Variants in SH3KBP1 observed in about 807,000 individuals in gnomAD.
The protein encoded by SH3KBP1 is SH3 domain-containing kinase-binding protein 1.
Under a neutral mutation model 50.1 loss-of-function variants are expected in SH3KBP1, and 8 were observed. The ratio of observed to expected loss-of-function variants is 0.16; its 90% CI spans 0.09 to 0.29. SH3KBP1 has a LOEUF of 0.29. SH3KBP1 is among the 10% of genes least tolerant of loss of function. SH3KBP1 has a pLI of 1.00. For synonymous variants in SH3KBP1, 227 were observed against 218.6 expected (o/e 1.04, Z -0.34); for missense variants, 377 against 535.2 (o/e 0.70, Z 2.92).
intron 8 of SH3KBP1, among the ~76,000 whole-genome samples, chrX:19,611,996 GAA>G (rs2067441787): frequency 1.1e-5 from 1 of 92,397 alleles, no homozygotes; most frequent in Admixed American, 1.2e-4. Context: ...AATAGCCAAA[GAA>G]AAGAGTCTGC....
chrX:19,842,349 A>T (rs1285021337), intron 1 of SH3KBP1, among the ~76,000 whole-genome samples: 1 of 111,040 alleles, frequency 9.0e-6, no homozygotes. Context: ...AACATGGTGA[A>T]ACCCTGTCTC....
At chrX:19,811,441 T>C (rs770348390) in intron 2 of SH3KBP1, among the ~76,000 whole-genome samples, 5 of 111,880 alleles carry the variant, frequency 4.5e-5, no homozygotes, top group East Asian at 2.8e-4. Flanking sequence ...TAAAATCTTA[T>C]CTGGTCAGAA....
intron 1 of SH3KBP1, among the ~76,000 whole-genome samples, chrX:19,869,549 T>C (rs1391196868): frequency 2.7e-5 from 3 of 112,251 alleles, no homozygotes; most frequent in Non-Finnish European, 5.6e-5. Flanking sequence ...GCAAAGCAAT[T>C]CACTCACCCT....
chrX:19,710,382 T>C (rs147751077), intron 3 of SH3KBP1, among the ~76,000 whole-genome samples: 2,125 of 111,588 alleles, frequency 0.019, 21 homozygotes, highest in Non-Finnish European at 0.028. Context: ...CAGATGATCC[T>C]CATTCTCATA....
intron 2 of SH3KBP1, among the ~76,000 whole-genome samples, chrX:19,771,881 A>AC (rs1330582445): frequency 3.7e-5 from 4 of 109,373 alleles, no homozygotes; most frequent in Non-Finnish European, 7.6e-5. Flanking sequence ...AAAAAAAAAA[A>AC]ATTGGTTACA....
chrX:19,686,175 G>A (rs2063159338), intron 5 of SH3KBP1, among the ~76,000 whole-genome samples: 1 of 112,053 alleles, frequency 8.9e-6, no homozygotes, highest in Non-Finnish European at 1.9e-5. Context: ...AGAACTTCTG[G>A]CAGGCTGGTT....
chrX:19,654,039 A>T (rs759316725), intron 6 of SH3KBP1, among the ~76,000 whole-genome samples: 1 of 111,463 alleles, frequency 9.0e-6, no homozygotes, highest in East Asian at 2.8e-4. Context: ...TCCAATAAAA[A>T]CTTTAGTATC....
rs372282101 is a variant in SH3KBP1 at position 19,707,118 on chromosome X, C to T, written c.287-134G>A. 255 of 581,222 alleles carry T rather than the reference C, an allele frequency of 4.4e-4. 3 individuals carry two copies. The African/African-American group carries it at 5.1e-3, about 12-fold the overall frequency. The allele number at this position is 581,222 out of a possible 1,213,427, so 47.9% of individuals were successfully genotyped here. ...GCTCTCTGGGACATGGCTTGAGGCA[C>T]GGCAGCCCTGGTCTCTTAGAGAGAG... On this transcript the variant is annotated intron_variant, in intron 3 of 17. Transcript: ENST00000397821.
intron 6 of SH3KBP1, among the ~76,000 whole-genome samples, chrX:19,654,895 A>T (rs1394849131): frequency 1.8e-5 from 2 of 112,236 alleles, no homozygotes; most frequent in African/African-American, 3.2e-5. Context: ...TAATTTTCCC[A>T]TGAAGTAGCT....
chrX:19,655,801 T>A lies in SH3KBP1; in HGVS notation c.727-10326A>T, dbSNP rs1413338010. ...TACCCATGTAACAAACCTGCACATG[T>A]ACCCCCGACCCTAAAATTAAAAAGA... On this transcript the variant is annotated intron_variant, in intron 6 of 17. Transcript: ENST00000397821. Among the ~76,000 whole-genome samples, 3 of 111,289 alleles carry A rather than the reference T, an allele frequency of 2.7e-5. No homozygotes were observed. The East Asian group carries it at 8.4e-4, about 31-fold the overall frequency.
At chrX:19,863,073 C>T (rs2068816916) in intron 1 of SH3KBP1, among the ~76,000 whole-genome samples, 1 of 112,521 alleles carries the variant, frequency 8.9e-6, no homozygotes, top group Admixed American at 9.4e-5. Context: ...CCTGTCCCCT[C>T]CCTGGGGGTT....
chrX:19,592,125 T>C lies in SH3KBP1; in HGVS notation c.1080A>G (p.Glu360=). The C allele has an allele frequency of 8.3e-7, 1 of 1,203,812 alleles. No homozygotes were observed. Among genetic ancestry groups the C allele is most frequent in the Non-Finnish European group, 1.1e-6 (1 of 890,024 alleles). ...QGAGTTERKH[E]IKKIPPERPE... ...GTCTTTCAGGAGGTATCTTTTTAAT[T>C]TCATGTTTTCTCTCAGTGGTGCCTA... is the stretch of plus-strand genomic sequence containing the variant. Residue 360 remains glutamate, a synonymous_variant, in exon 11 of 18, where the codon GAA becomes GAG. Coordinates refer to ENST00000397821, the MANE Select transcript of SH3KBP1 (RefSeq NM_031892.3).
At chrX:19,639,968 C>T (rs1439828354) in intron 7 of SH3KBP1, among the ~76,000 whole-genome samples, 3 of 100,517 alleles carry the variant, frequency 3.0e-5, no homozygotes, top group African/African-American at 1.1e-4. Context: ...ATGAGCTGCA[C>T]TGAGTAAGTA....
chrX:19,677,261 T>G (rs1007676382), intron 6 of SH3KBP1, among the ~76,000 whole-genome samples: 2 of 111,286 alleles, frequency 1.8e-5, no homozygotes, highest in African/African-American at 6.5e-5. Context: ...TCAGAAGTGA[T>G]CATCTAAGTG....
At chrX:19,674,873 G>A (rs1167711211) in intron 6 of SH3KBP1, among the ~76,000 whole-genome samples, 1 of 111,126 alleles carries the variant, frequency 9.0e-6, no homozygotes, top group Non-Finnish European at 1.9e-5. Flanking sequence ...GAGGTCAGGA[G>A]TTCAAGACCA....
chrX:19,570,013 C>G (rs928942406), intron 12 of SH3KBP1, among the ~76,000 whole-genome samples: 4 of 112,163 alleles, frequency 3.6e-5, no homozygotes, highest in Non-Finnish European at 7.5e-5. Context: ...AGCAGTTGTT[C>G]CCAGCAAAGT....
intron 6 of SH3KBP1, among the ~76,000 whole-genome samples, chrX:19,668,963 TATATATATATA>T (rs2062704447): frequency 7.4e-5 from 4 of 53,843 alleles, no homozygotes; most frequent in South Asian, 7.8e-4. Flanking sequence ...TATATATATA[TATATATATATA>T]TTTTTTGAGA....
chrX:19,613,447 T>C (rs1329261484), intron 8 of SH3KBP1, among the ~76,000 whole-genome samples: 3 of 112,033 alleles, frequency 2.7e-5, no homozygotes, highest in African/African-American at 6.5e-5. Context: ...ATAAGCTCTA[T>C]TGGCATGAAC....
chrX:19,614,903 T>G, intron 8 of SH3KBP1, among the ~76,000 whole-genome samples: 1 of 112,010 alleles, frequency 8.9e-6, no homozygotes, highest in East Asian at 2.8e-4. Flanking sequence ...CCTGCCGTAG[T>G]GCCCGGAACA....
Sources: gnomAD v4.1 joint callset for allele counts (sites outside exome capture counted in the v4.1 genomes callset) on GRCh38, gnomAD v4.1.1 for gene constraint, MANE v1.5 for transcripts, NCBI Gene and HGNC (gene_info 2026-07-23, HGNC 2026-07-21) for gene names.